The following ITM2C variants were observed in gnomAD, a reference collection of about 807,000 sequenced individuals.
ITM2C encodes integral membrane protein 2C.
ITM2C carries 20 observed loss-of-function variants against 30.0 expected under a neutral mutation model. The observed-to-expected ratio is 0.67, with a 90% CI of 0.47 to 0.97. The LOEUF (loss-of-function observed/expected upper bound fraction) is 0.97. Ranked by LOEUF, ITM2C falls within the 50% of genes least tolerant of loss-of-function variation. The pLI is 0.00. For synonymous variants in ITM2C, 167 were observed against 156.4 expected (o/e 1.07, Z -0.51); for missense variants, 366 against 371.9 (o/e 0.98, Z 0.13).
At chr2:230,872,860 C>T (rs1697197320) in intron 1 of ITM2C, among the ~76,000 whole-genome samples, 1 of 152,138 alleles carries the variant, frequency 6.6e-6, no homozygotes, top group Non-Finnish European at 1.5e-5. Flanking sequence ...CTGCCCACCT[C>T]CTATTGTCCT....
Position 230,878,544 on chromosome 2 carries a change from A to G in ITM2C, c.*445A>G, listed in dbSNP as rs1212303623. ...TCAGAAGCTTTTTCTTGGAGGGTAC[A>G]CTTTCTTCACTGTCCCTATTCCTAG... On this transcript the variant is annotated 3_prime_UTR_variant, in exon 6 of 6. Coordinates refer to ENST00000326427, the MANE Select transcript of ITM2C (RefSeq NM_030926.6). This position sits in a 1 kb window ranked among gnomAD's most constrained non-coding sequence, Gnocchi z 4.5. 3 of 154,410 alleles carry G rather than the reference A, an allele frequency of 1.9e-5. No homozygotes were observed. Among genetic ancestry groups the G allele is most frequent in the African/African-American group, 4.8e-5 (2 of 41,410 alleles). The allele number at this position is 154,410 out of a possible 1,614,324, so 9.6% of individuals were successfully genotyped here. A position where few individuals can be genotyped will look rare whatever the true frequency, so the allele number is the denominator to read the frequency against.
upstream of ITM2C, chr2:230,864,582 T>G (rs777107165): frequency 6.6e-6 from 1 of 152,654 alleles, no homozygotes; most frequent in Non-Finnish European, 1.5e-5. The surrounding 1 kb of genome is among the most constrained non-coding windows in gnomAD (Gnocchi z 4.3). Context: ...AAGCTGCATT[T>G]GCCTGGCAAA....
At chr2:230,871,794 G>C (rs572647730) in intron 1 of ITM2C, among the ~76,000 whole-genome samples, 3 of 152,336 alleles carry the variant, frequency 2.0e-5, no homozygotes, top group African/African-American at 2.4e-5. Flanking sequence ...CGCAGTGAAG[G>C]GGGGGTCCTC....
chr2:230,864,758 G>C (rs968296542), upstream of ITM2C: 2 of 203,978 alleles, frequency 9.8e-6, no homozygotes, highest in Non-Finnish European at 9.7e-6. The surrounding 1 kb of genome is among the most constrained non-coding windows in gnomAD (Gnocchi z 4.3). Context: ...GCGAGCGAGC[G>C]GCAGAAGGAA....
chr2:230,871,568 G>C (rs565598555), intron 1 of ITM2C, among the ~76,000 whole-genome samples: 1 of 152,356 alleles, frequency 6.6e-6, no homozygotes, highest in East Asian at 1.9e-4. Flanking sequence ...GATGACAGTG[G>C]GCAGGTGGTC....
chr2:230,877,252 G>GCAC lies in ITM2C; in HGVS notation c.562-146_562-144dup. The GCAC allele has an allele frequency of 1.3e-6, 1 of 766,542 alleles. No homozygotes were observed. Among genetic ancestry groups the GCAC allele is most frequent in the Non-Finnish European group, 2.1e-6 (1 of 468,886 alleles). 47.5% of individuals were successfully genotyped at this position (766,542 alleles called of 1,614,324 possible). On this transcript the variant is annotated intron_variant, in intron 4 of 5. Coordinates refer to ENST00000326427, the MANE Select transcript of ITM2C (RefSeq NM_030926.6). This position sits in a 1 kb window ranked among gnomAD's most constrained non-coding sequence, Gnocchi z 4.8. ...ATTGCTCCTGGCAGCACAGGTGCAG[G>GCAC]CACCGGGCACAGGCAGGAAGTGCCT...
At chr2:230,873,038 G>A (rs1048469732) in intron 1 of ITM2C, among the ~76,000 whole-genome samples, 9 of 152,026 alleles carry the variant, frequency 5.9e-5, no homozygotes, top group Non-Finnish European at 8.8e-5. Flanking sequence ...AGGCCAGGTC[G>A]GCACATCCCC....
At position 230,865,367 on chromosome 2, in the gene ITM2C, C is replaced by T; in HGVS notation, c.120+222C>T. 2.3e-6 allele frequency: 1 copy of T among 439,816 alleles called. No individual in the cohort carries two copies. The highest frequency in any genetic ancestry group is 3.7e-6 in the Non-Finnish European group (1 of 266,912). The allele number at this position is 439,816 out of a possible 1,614,324, so 27.2% of individuals were successfully genotyped here. Reference sequence around the variant, plus strand: ...AAGCTGAAGTCCGAAGAGTGGGAGGCGTCTGGTTCTGGTCTTCAGGTGGAG... The same window carrying T: ...AAGCTGAAGTCCGAAGAGTGGGAGGTGTCTGGTTCTGGTCTTCAGGTGGAG... On this transcript the variant is annotated intron_variant, in intron 1 of 5. Coordinates refer to ENST00000326427, the MANE Select transcript of ITM2C (RefSeq NM_030926.6). This position sits in a 1 kb window ranked among gnomAD's most constrained non-coding sequence, Gnocchi z 6.8.
chr2:230,876,151 C>T (rs1293672079), intron 3 of ITM2C, among the ~76,000 whole-genome samples: 1 of 152,132 alleles, frequency 6.6e-6, no homozygotes, highest in East Asian at 1.9e-4. Flanking sequence ...ATTCATGTAA[C>T]CCCCATGGGT....
At position 230,875,778 on chromosome 2, in the gene ITM2C, C is replaced by A; in HGVS notation, c.420C>A (p.Asp140Glu). Reference protein sequence around the residue: ...NVPVPQFGGGDPADIIHDFQR... With the variant: ...NVPVPQFGGGEPADIIHDFQR... ...CTGTGCCCCAGTTTGGCGGCGGTGA[C>A]CCTGCAGACATCATCCATGACTTCC... Residue 140 changes from aspartate to glutamate, a missense_variant, in exon 3 of 6, where the codon GAC (aspartate) becomes GAA (glutamate). By Grantham distance (45) the Asp-to-Glu change is conservative. Transcript: ENST00000326427. 1 of 1,610,254 alleles carries A rather than the reference C, an allele frequency of 6.2e-7. No homozygotes were observed.
intron 3 of ITM2C, among the ~76,000 whole-genome samples, chr2:230,876,055 T>C (rs1056097230): frequency 2.0e-5 from 3 of 149,798 alleles, no homozygotes. Context: ...GCAGGGCCAG[T>C]GCGTTGTATC....
chr2:230,876,976 G>T lies in ITM2C; in HGVS notation c.561+9G>T. On this transcript the variant is annotated intron_variant, in intron 4 of 5. Transcript: ENST00000326427. The stretch of plus-strand genomic sequence containing the variant: ...TCCTCATGAACGTGAAGGTGCGCAG[G>T]GGGTTGGGGGGATGTCTGCAGCATC... 3.2e-6 allele frequency: 5 copies of T among 1,571,214 alleles called. No homozygotes were observed. The South Asian group carries it at 4.4e-5, about 14-fold the overall frequency.
chr2:230,877,100 G>C lies in ITM2C; in HGVS notation c.561+133G>C. On this transcript the variant is annotated intron_variant, in intron 4 of 5. Coordinates refer to ENST00000326427, the MANE Select transcript of ITM2C (RefSeq NM_030926.6). The surrounding 1 kb of genome is among the most constrained non-coding windows in gnomAD (Gnocchi z 4.8). ...GGAGCAAGAGACATTGCTGGCACCT[G>C]GGCCCTGTACCCAGATTGGTCTCGC... 2.8e-6 allele frequency: 2 copies of C among 701,778 alleles called. No homozygotes were observed. Among genetic ancestry groups the C allele is most frequent in the Non-Finnish European group, 5.0e-6 (2 of 403,022 alleles). 43.5% of individuals were successfully genotyped at this position (701,778 alleles called of 1,614,324 possible).
Position 230,878,421 on chromosome 2 carries a change from T to G in ITM2C, c.*322T>G, listed in dbSNP as rs954064671. The G allele has an allele frequency of 4.9e-6, 1 of 204,658 alleles. No individual in the cohort carries two copies. Among genetic ancestry groups the G allele is most frequent in the African/African-American group, 2.3e-5 (1 of 43,056 alleles). The allele number at this position is 204,658 out of a possible 1,614,324, so 12.7% of individuals were successfully genotyped here. ...CCGGCAGCCCAAGGGGAAGGACCGG[T>G]TGGGGGAGCCGGGCATGTGAGGCCC... On this transcript the variant is annotated 3_prime_UTR_variant, in exon 6 of 6. Coordinates refer to ENST00000326427, the MANE Select transcript of ITM2C (RefSeq NM_030926.6). This position sits in a 1 kb window ranked among gnomAD's most constrained non-coding sequence, Gnocchi z 4.5.
intron 1 of ITM2C, among the ~76,000 whole-genome samples, chr2:230,870,756 C>T (rs966871158): frequency 5.4e-4 from 82 of 152,054 alleles, no homozygotes; most frequent in African/African-American, 1.9e-3. Context: ...AGCATTAAGG[C>T]GGAAAGGCGG....
At chr2:230,876,263 A>G (rs562141825) in intron 3 of ITM2C, among the ~76,000 whole-genome samples, 8 of 152,194 alleles carry the variant, frequency 5.3e-5, no homozygotes, top group Non-Finnish European at 8.8e-5. Flanking sequence ...ATGTTCCCCA[A>G]ACCTCAGCTC....
chr2:230,867,156 G>C (rs1178947458), intron 1 of ITM2C, among the ~76,000 whole-genome samples: 1 of 152,158 alleles, frequency 6.6e-6, no homozygotes, highest in Non-Finnish European at 1.5e-5. Context: ...ATTGGCAAGG[G>C]GGAGCTTAGG....
rs2125021057 is a variant in ITM2C at position 230,873,489 on chromosome 2, A to G, written c.193A>G (p.Met65Val). 1 of 1,611,200 alleles carries G rather than the reference A, an allele frequency of 6.2e-7. No individual in the cohort carries two copies. The highest frequency in any genetic ancestry group is 1.1e-5 in the South Asian group (1 of 90,342). ...VGGVCYLSMG[M>V]VVLLMGLVFA... is the part of the protein sequence containing the mutation. ...CGGCGTGTGCTACCTGTCGATGGGCATGGTCGTGCTGCTCATGGGCCTCGT... is the reference window on the plus strand; with the variant it reads ...CGGCGTGTGCTACCTGTCGATGGGCGTGGTCGTGCTGCTCATGGGCCTCGT... The change falls in exon 2 of 6, where the codon ATG (methionine) becomes GTG (valine). Residue 65 changes from methionine (M) to valine (V), a missense_variant. Transcript: ENST00000326427.
intron 1 of ITM2C, among the ~76,000 whole-genome samples, chr2:230,868,929 G>C (rs1697097959): frequency 6.6e-6 from 1 of 152,226 alleles, no homozygotes; most frequent in South Asian, 2.1e-4. Context: ...TGGCGCCCCG[G>C]CAGGCCCCAC....
Sources: allele counts gnomAD v4.1 joint callset (sites outside exome capture counted in the v4.1 genomes callset), GRCh38; gene constraint gnomAD v4.1.1; non-coding constraint Gnocchi (gnomAD v3.1); transcripts MANE v1.5; gene names NCBI Gene and HGNC (gene_info 2026-07-23, HGNC 2026-07-21).